Variants in DLG2 observed in about 807,000 individuals in gnomAD.
The protein encoded by DLG2 is discs large MAGUK scaffold protein 2.
DLG2 carries 45 observed loss-of-function variants against 132.5 expected under a neutral mutation model. The observed-to-expected ratio is 0.34, with a 90% CI of 0.27 to 0.44. DLG2 has a LOEUF of 0.44. Ranked by LOEUF, DLG2 falls within the 20% of genes least tolerant of loss-of-function variation. The pLI is 1.00. For synonymous variants in DLG2, 424 were observed against 419.6 expected (o/e 1.01, Z -0.13); for missense variants, 1,045 against 1,196.9 (o/e 0.87, Z 1.87).
At chr11:84,167,424 T>G (rs188015926) in intron 8 of DLG2, among the ~76,000 whole-genome samples, 30 of 151,658 alleles carry the variant, frequency 2.0e-4, no homozygotes, top group Non-Finnish European at 3.4e-4. Flanking sequence ...TTAGTTAATT[T>G]TATGGCCTTT....
intron 3 of DLG2, among the ~76,000 whole-genome samples, chr11:85,387,886 G>A (rs930308648): frequency 1.3e-5 from 2 of 152,174 alleles, no homozygotes; most frequent in South Asian, 2.1e-4. Flanking sequence ...GGAAACCCAC[G>A]TCATGAACTT....
intron 21 of DLG2, among the ~76,000 whole-genome samples, chr11:83,527,294 G>T (rs2095632324): frequency 6.6e-6 from 1 of 152,178 alleles, no homozygotes; most frequent in Admixed American, 6.6e-5. Context: ...AAAAAAGAAA[G>T]CATGCTATAG....
chr11:84,677,899 G>C (rs143791458), intron 6 of DLG2, among the ~76,000 whole-genome samples: 1 of 151,782 alleles, frequency 6.6e-6, no homozygotes, highest in African/African-American at 2.4e-5. Flanking sequence ...AAAAATAATA[G>C]TATTGTCTAC....
At position 83,592,777 on chromosome 11, in the gene DLG2, G is replaced by C. The variant is rs894750971; in HGVS notation, c.1940+40434C>G. 4.7e-5 allele frequency among the ~76,000 whole-genome samples: 7 copies of C among 147,456 alleles called. No homozygotes were observed. The Admixed American group carries it at 4.8e-4, about 10-fold the overall frequency. On this transcript the variant is annotated intron_variant, in intron 19 of 27. Transcript: ENST00000376104. ...AGGGCTAATATCCAGAATCTACAAT[G>C]AACTCAAACAAATTTACAAGAAAAA...
intron 6 of DLG2, among the ~76,000 whole-genome samples, chr11:84,862,151 C>T (rs1442502618): frequency 6.6e-6 from 1 of 151,836 alleles, no homozygotes; most frequent in Non-Finnish European, 1.5e-5. Flanking sequence ...CTAACCTGCA[C>T]ATTGTGCACA....
chr11:84,116,948 C>A (rs1447743735), intron 9 of DLG2, among the ~76,000 whole-genome samples: 1 of 152,204 alleles, frequency 6.6e-6, no homozygotes, highest in Non-Finnish European at 1.5e-5. Flanking sequence ...GCCTATTTCT[C>A]ACTGTGGTTT....
chr11:84,836,091 T>C (rs775538802), intron 6 of DLG2, among the ~76,000 whole-genome samples: 3 of 151,766 alleles, frequency 2.0e-5, no homozygotes, highest in Non-Finnish European at 2.9e-5. Flanking sequence ...AGTTACTCAG[T>C]GTCTTTAAGC....
At chr11:84,867,668 GT>G (rs1555268259) in intron 6 of DLG2, among the ~76,000 whole-genome samples, 1 of 152,166 alleles carries the variant, frequency 6.6e-6, no homozygotes, top group Non-Finnish European at 1.5e-5. Flanking sequence ...AGAAACATAG[GT>G]GTCTCTAGGA....
intron 8 of DLG2, among the ~76,000 whole-genome samples, chr11:84,211,929 T>C (rs1429119216): frequency 3.3e-5 from 5 of 152,192 alleles, no homozygotes; most frequent in African/African-American, 4.8e-5. Flanking sequence ...CTATTCTATA[T>C]AAGAGGATAA....
At chr11:84,286,602 T>C (rs1379219951) in intron 7 of DLG2, among the ~76,000 whole-genome samples, 1 of 152,238 alleles carries the variant, frequency 6.6e-6, no homozygotes, top group African/African-American at 2.4e-5. Flanking sequence ...AATGGTACTT[T>C]TAGCATGCTA....
At position 83,706,639 on chromosome 11, in the gene DLG2, G is replaced by C. The variant is rs142482125; in HGVS notation, c.1826-73314C>G. ...TGAGGAGCATACACAATGCAATTCAGAACTATCTATCCAAGGGATGGAGGA... is the reference window on the plus strand; with the variant it reads ...TGAGGAGCATACACAATGCAATTCACAACTATCTATCCAAGGGATGGAGGA... On this transcript the variant is annotated intron_variant, in intron 18 of 27. Transcript: ENST00000376104. Among the ~76,000 whole-genome samples, 13 of 152,316 alleles carry C rather than the reference G, an allele frequency of 8.5e-5. No individual in the cohort carries two copies. In the East Asian group the frequency reaches 2.1e-3, roughly 25 times the overall value.
intron 6 of DLG2, among the ~76,000 whole-genome samples, chr11:84,789,564 G>A (rs1018129182): frequency 2.0e-5 from 3 of 151,862 alleles, no homozygotes; most frequent in African/African-American, 4.8e-5. Context: ...ACAAACAATC[G>A]AATTATACTT....
intron 18 of DLG2, among the ~76,000 whole-genome samples, chr11:83,691,295 A>T (rs901126880): frequency 6.6e-6 from 1 of 152,146 alleles, no homozygotes; most frequent in African/African-American, 2.4e-5. Flanking sequence ...GCCACACGTA[A>T]TATAACTTCC....
Position 85,021,922 on chromosome 11 carries a change from T to C in DLG2, c.357+89739A>G, listed in dbSNP as rs576633452. ...TATTATGTCACAAAAAATTAGTATA[T>C]ATTAAAATGCAAAACTCATAAAGGC... is the stretch of plus-strand genomic sequence containing the variant. On this transcript the variant is annotated intron_variant, in intron 6 of 27. Transcript: ENST00000376104. Among the ~76,000 whole-genome samples the C allele has an allele frequency of 1.8e-3, 273 of 152,264 alleles. 2 individuals carry two copies. The highest frequency in any genetic ancestry group is 5.0e-3 in the Admixed American group (77 of 15,280).
rs537113614 is a variant in DLG2 at position 85,501,968 on chromosome 11, C to T, written c.40+96689G>A. ...ATTCTACGATAAAGACACATGTACA[C>T]GTATGTTTATTGTGGCATTATTCAC... On this transcript the variant is annotated intron_variant, in intron 3 of 27. Transcript: ENST00000376104. 1.1e-4 allele frequency among the ~76,000 whole-genome samples: 16 copies of T among 152,128 alleles called. No homozygotes were observed. The East Asian group carries it at 1.2e-3, about 11-fold the overall frequency.
chr11:83,893,374 T>C (rs1233654314), intron 15 of DLG2, among the ~76,000 whole-genome samples: 2 of 152,230 alleles, frequency 1.3e-5, no homozygotes, highest in African/African-American at 4.8e-5. Flanking sequence ...GTCTGTCTTT[T>C]GTTGCTCATT....
intron 3 of DLG2, among the ~76,000 whole-genome samples, chr11:85,543,093 C>T (rs2076077858): frequency 5.9e-5 from 9 of 151,800 alleles, no homozygotes; most frequent in Admixed American, 3.3e-4. Flanking sequence ...ACCTATCAAC[C>T]CGTCATCTAC....
At chr11:83,877,414 T>G (rs1595813660) in intron 15 of DLG2, among the ~76,000 whole-genome samples, 2 of 152,148 alleles carry the variant, frequency 1.3e-5, no homozygotes, top group African/African-American at 2.4e-5. Context: ...CTAACCAAGA[T>G]TAATAAGTAA....
At chr11:83,946,113 C>T (rs891199751) in intron 14 of DLG2, among the ~76,000 whole-genome samples, 1 of 151,738 alleles carries the variant, frequency 6.6e-6, no homozygotes, top group African/African-American at 2.4e-5. Context: ...CCTCAGCCGC[C>T]GGAGTGGCTG....
Sources: gnomAD v4.1 joint callset for allele counts (sites outside exome capture counted in the v4.1 genomes callset) on GRCh38, gnomAD v4.1.1 for gene constraint, MANE v1.5 for transcripts, NCBI Gene and HGNC (gene_info 2026-07-23, HGNC 2026-07-21) for gene names.